Variants in PTK2 observed in about 807,000 individuals in gnomAD.
PTK2 encodes the protein focal adhesion kinase 1.
A neutral mutation model predicts 150.1 loss-of-function variants in PTK2; 45 were observed. The observed-to-expected ratio is 0.30, with a 90% confidence interval of 0.24 to 0.38. The LOEUF is 0.38. Among genes scored for constraint, PTK2 ranks in the 10% least tolerant of loss-of-function variants. The pLI is 1.00. For synonymous variants in PTK2, 432 were observed against 449.2 expected (o/e 0.96, Z 0.48); for missense variants, 919 against 1,307.3 (o/e 0.70, Z 4.58).
chr8:140,947,510 C>T (rs555068134), intron 1 of PTK2, among the ~76,000 whole-genome samples: 1 of 152,260 alleles, frequency 6.6e-6, no homozygotes, highest in Admixed American at 6.5e-5. Context: ...AAATCCTCAC[C>T]CTACAGATCA....
At chr8:140,745,189 T>G (rs539894040) in intron 18 of PTK2, among the ~76,000 whole-genome samples, 11 of 152,340 alleles carry the variant, frequency 7.2e-5, no homozygotes, top group Non-Finnish European at 1.2e-4. Flanking sequence ...GGTATGAGGA[T>G]AATGTAATGC....
At chr8:140,782,429 G>A (rs962636518) in intron 14 of PTK2, among the ~76,000 whole-genome samples, 6 of 151,916 alleles carry the variant, frequency 3.9e-5, no homozygotes, top group African/African-American at 1.4e-4. Flanking sequence ...GTAGAGACAG[G>A]GTTTCACCAT....
intron 17 of PTK2, among the ~76,000 whole-genome samples, chr8:140,749,441 G>A (rs1432660837): frequency 2.6e-5 from 4 of 152,218 alleles, no homozygotes; most frequent in Non-Finnish European, 5.9e-5. Flanking sequence ...GGCTAAGAGA[G>A]TCTTGTGGCC....
chr8:140,974,850 C>A (rs2100188690), intron 1 of PTK2, among the ~76,000 whole-genome samples: 1 of 152,048 alleles, frequency 6.6e-6, no homozygotes, highest in Non-Finnish European at 1.5e-5. Flanking sequence ...TCAAAGCAAT[C>A]ACTAAGATAT....
chr8:140,934,924 G>A (rs937609210), intron 1 of PTK2, among the ~76,000 whole-genome samples: 3 of 152,146 alleles, frequency 2.0e-5, no homozygotes, highest in African/African-American at 7.2e-5. Context: ...AGAGAGATTA[G>A]ACTGTTACTG....
chr8:140,717,724 C>T lies in PTK2; in HGVS notation c.2031-15G>A, dbSNP rs1008992953. On this transcript the variant is annotated splice_polypyrimidine_tract_variant and intron_variant, in intron 22 of 31. Transcript: ENST00000522684. ...CCAGGATTGTGCTAGAGAGACAACACATTGTCTTAGGGGAGCTGACAACCC... is the reference window on the plus strand; with the variant it reads ...CCAGGATTGTGCTAGAGAGACAACATATTGTCTTAGGGGAGCTGACAACCC... 1.2e-6 allele frequency: 2 copies of T among 1,602,552 alleles called. No homozygotes were observed. The highest frequency in any genetic ancestry group is 1.7e-4 in the Middle Eastern group (1 of 6,046).
At chr8:140,706,078 TAATAA>T (rs1286184815) in intron 24 of PTK2, 36 bp downstream of exon 27, 1 of 1,496,618 alleles carries the variant, frequency 6.7e-7, no homozygotes, top group Non-Finnish European at 9.3e-7. Context: ...AAGCGCTAAA[TAATAA>T]AATAACACAG....
In PTK2 at chr8:140,913,681, T is replaced by C. The variant is rs572086141; in HGVS notation, c.-33+11980A>G. ...CCACCACATTAAGATCTATCACACA[T>C]TGCTTAGAAAAATTAAACAAGACTT... On this transcript the variant is annotated intron_variant, in intron 2 of 31. Coordinates refer to ENST00000522684, the Ensembl canonical transcript of PTK2. Among the ~76,000 whole-genome samples the C allele has an allele frequency of 1.1e-3, 173 of 152,260 alleles. 1 individual carries two copies. Among genetic ancestry groups the C allele is most frequent in the Non-Finnish European group, 2.0e-3 (135 of 68,004 alleles).
chr8:140,927,975 A>AATATATATAT (rs1179717665), intron 1 of PTK2, among the ~76,000 whole-genome samples: 751 of 47,958 alleles, frequency 0.016, 10 homozygotes, highest in East Asian at 0.022. Flanking sequence ...AAAAAAAAAA[A>AATATATATAT]ATATATATAT....
rs565533478 is a variant in PTK2, at chr8:140,673,372, T to C, written c.2709+926A>G. On this transcript the variant is annotated intron_variant, in intron 29 of 31. Coordinates refer to ENST00000522684, the Ensembl canonical transcript of PTK2. The stretch of plus-strand genomic sequence containing the variant: ...ATCCGCCCGTCTTGGCCTCCCGAAA[T>C]GCTGGGATTACAGGCATGAGCCACC... 1.6e-4 allele frequency among the ~76,000 whole-genome samples: 24 copies of C among 152,174 alleles called. No homozygotes were observed. The South Asian group carries it at 4.2e-3, about 26-fold the overall frequency.
At chr8:140,929,181 G>A (rs1200222249) in intron 1 of PTK2, among the ~76,000 whole-genome samples, 4 of 150,902 alleles carry the variant, frequency 2.7e-5, no homozygotes, top group East Asian at 1.9e-4. Flanking sequence ...TAGCCGGGAT[G>A]GTCTCGATCT....
At chr8:140,772,529 T>C (rs2100076098) in intron 14 of PTK2, among the ~76,000 whole-genome samples, 1 of 152,242 alleles carries the variant, frequency 6.6e-6, no homozygotes, top group Non-Finnish European at 1.5e-5. Context: ...TACGGAACAT[T>C]ACTGGTATGA....
intron 4 of PTK2, among the ~76,000 whole-genome samples, chr8:140,870,436 T>G (rs1567880223): frequency 1.3e-5 from 2 of 152,226 alleles, no homozygotes; most frequent in African/African-American, 4.8e-5. Flanking sequence ...GTGAGCTAAG[T>G]GCTCAATTTA....
At chr8:140,789,597 T>C (rs1017336464) in intron 13 of PTK2, 71 bp from the exon 14 acceptor site, 2 of 1,489,842 alleles carry the variant, frequency 1.3e-6, no homozygotes, top group African/African-American at 1.4e-5. Flanking sequence ...CCTCATCAAG[T>C]GGGGAACTGC....
At chr8:140,963,471 T>A (rs1432417553) in intron 1 of PTK2, among the ~76,000 whole-genome samples, 2 of 152,170 alleles carry the variant, frequency 1.3e-5, no homozygotes. Flanking sequence ...ACCCCTAAGA[T>A]CCCTGCTCTC....
intron 17 of PTK2, among the ~76,000 whole-genome samples, chr8:140,750,752 G>A (rs979893859): frequency 3.3e-5 from 5 of 152,142 alleles, no homozygotes; most frequent in Non-Finnish European, 7.4e-5. Context: ...TTCTTCAGAG[G>A]AGGCACAAAC....
At chr8:140,897,325 T>C (rs552083685) in intron 2 of PTK2, among the ~76,000 whole-genome samples, 2 of 152,272 alleles carry the variant, frequency 1.3e-5, no homozygotes, top group South Asian at 4.1e-4. Flanking sequence ...CAGTTTTCCA[T>C]TATAGAATGT....
chr8:140,920,470 C>T (rs2100166987), intron 2 of PTK2, among the ~76,000 whole-genome samples: 1 of 152,188 alleles, frequency 6.6e-6, no homozygotes, highest in South Asian at 2.1e-4. Flanking sequence ...TCCTACAACC[C>T]TGTTTAAGTT....
chr8:140,829,649 G>C (rs761392949), intron 8 of PTK2, among the ~76,000 whole-genome samples: 5 of 152,072 alleles, frequency 3.3e-5, no homozygotes, highest in Admixed American at 6.6e-5. Flanking sequence ...TGTAGAATAA[G>C]ATCTTTGAAA....
Sources: gnomAD v4.1 joint callset for allele counts (sites outside exome capture counted in the v4.1 genomes callset) on GRCh38, gnomAD v4.1.1 for gene constraint, MANE v1.5 for transcripts, NCBI Gene and HGNC (gene_info 2026-07-23, HGNC 2026-07-21) for gene names.